The following AGPS variants were observed in gnomAD, a reference collection of about 807,000 sequenced individuals.
The protein encoded by AGPS is alkyldihydroxyacetonephosphate synthase, peroxisomal.
A neutral mutation model predicts 90.7 loss-of-function variants in AGPS; 26 were observed. The observed-to-expected ratio is 0.29, with a 90% confidence interval of 0.21 to 0.40. The LOEUF is 0.40. Among genes scored for constraint, AGPS ranks in the 10% least tolerant of loss-of-function variants. AGPS has a pLI of 1.00. For synonymous variants in AGPS, 294 were observed against 285.3 expected, an observed-to-expected ratio of 1.03 and a Z score of -0.31; for missense variants, 540 against 816.1, an observed-to-expected ratio of 0.66 and a Z score of 4.12.
chr2:177,400,443 CTT>C (rs1321269990), intron 1 of AGPS, among the ~76,000 whole-genome samples: 3 of 151,908 alleles, frequency 2.0e-5, no homozygotes, highest in Admixed American at 6.6e-5. Flanking sequence ...TAACATCTGT[CTT>C]TGGTTCTCTT....
chr2:177,454,975 T>C (rs940064559), intron 8 of AGPS, among the ~76,000 whole-genome samples: 1 of 151,900 alleles, frequency 6.6e-6, no homozygotes, highest in Non-Finnish European at 1.5e-5. Flanking sequence ...GTGGCAGATA[T>C]CATGAAAATT....
intron 14 of AGPS, 52 bp from the exon 15 acceptor site, chr2:177,505,454 A>G: frequency 6.8e-7 from 1 of 1,468,396 alleles, no homozygotes; most frequent in Non-Finnish European, 9.5e-7. Flanking sequence ...TACATTTATG[A>G]TAAATGAGAT....
chr2:177,522,339 C>CT (rs1574030851), intron 18 of AGPS, among the ~76,000 whole-genome samples: 1 of 152,172 alleles, frequency 6.6e-6, no homozygotes, highest in African/African-American at 2.4e-5. Context: ...CTGCTGGTCT[C>CT]TAAGTGCTAC....
chr2:177,492,188 A>C (rs1559070607), intron 11 of AGPS, among the ~76,000 whole-genome samples: 1 of 152,208 alleles, frequency 6.6e-6, no homozygotes, highest in Non-Finnish European at 1.5e-5. Flanking sequence ...CAGGAGATGG[A>C]ATTTACAAGT....
In AGPS at chr2:177,538,092, A is replaced by C. The variant is rs769818292; in HGVS notation, c.1874A>C (p.Gln625Pro). 2 of 1,613,252 alleles carry C rather than the reference A, an allele frequency of 1.2e-6. No individual in the cohort carries two copies. The highest frequency in any genetic ancestry group is 1.7e-4 in the Middle Eastern group (1 of 6,056). Residue 625 changes from glutamine (Q) to proline (P), a missense_variant, in exon 20 of 20, where the codon CAA becomes CCA. Physicochemically the swap from Gln to Pro is moderately conservative, Grantham distance 76. Transcript: ENST00000264167. ...HHHGVGKLRK[Q>P]WLKESISDVG... ...TTTCCAGTGGGCAAGTTACGGAAGC[A>C]ATGGCTAAAGGAAAGTATCTCTGAT... is the stretch of plus-strand genomic sequence containing the variant.
intron 7 of AGPS, among the ~76,000 whole-genome samples, chr2:177,445,089 A>T (rs1161440914): frequency 6.6e-6 from 1 of 152,182 alleles, no homozygotes; most frequent in Admixed American, 6.5e-5. Context: ...TGATATTCTT[A>T]AATTAGATAG....
chr2:177,524,883 T>C (rs77510470), intron 19 of AGPS, among the ~76,000 whole-genome samples: 3,320 of 152,286 alleles, frequency 0.022, 80 homozygotes, highest in South Asian at 0.055. Context: ...TGTGTGTCCA[T>C]ATCATATTCT....
At chr2:177,461,764 T>C in intron 8 of AGPS, 129 bp from the exon 9 acceptor site, 1 of 639,710 alleles carries the variant, frequency 1.6e-6, no homozygotes, top group South Asian at 2.8e-5. Context: ...TTTTTTTTTT[T>C]GCTATGTAGG....
intron 11 of AGPS, among the ~76,000 whole-genome samples, chr2:177,488,699 A>C (rs1180685078): frequency 6.6e-6 from 1 of 152,180 alleles, no homozygotes; most frequent in Non-Finnish European, 1.5e-5. Context: ...CTGATACAAC[A>C]TGAGATTGAT....
intron 19 of AGPS, among the ~76,000 whole-genome samples, chr2:177,536,065 G>A (rs936568892): frequency 2.6e-5 from 4 of 152,126 alleles, no homozygotes; most frequent in Admixed American, 1.3e-4. Context: ...CGCTTGGTGA[G>A]TGACTTCATT....
At chr2:177,413,117 CGGAGCTCCCATACAAT>C (rs1450423397) in intron 1 of AGPS, among the ~76,000 whole-genome samples, 1 of 152,110 alleles carries the variant, frequency 6.6e-6, no homozygotes, top group Non-Finnish European at 1.5e-5. Flanking sequence ...AGAGTGAAAA[CGGAGCTCCCATACAAT>C]GGGAGGGAAC....
chr2:177,440,012 G>C (rs545159603), intron 5 of AGPS, among the ~76,000 whole-genome samples: 13 of 152,224 alleles, frequency 8.5e-5, no homozygotes, highest in African/African-American at 2.6e-4. Context: ...ATTATGTGCA[G>C]TGTATTTTGT....
chr2:177,486,119 T>G (rs1688085770), intron 11 of AGPS, among the ~76,000 whole-genome samples: 1 of 152,216 alleles, frequency 6.6e-6, no homozygotes, highest in African/African-American at 2.4e-5. Context: ...AGAAAGTTTG[T>G]CTTACTTGAA....
intron 19 of AGPS, among the ~76,000 whole-genome samples, chr2:177,533,915 A>G (rs1488574723): frequency 1.3e-4 from 20 of 152,216 alleles, no homozygotes; most frequent in African/African-American, 4.6e-4. Flanking sequence ...CTTTCAAAAT[A>G]TAGTTGTTAT....
intron 17 of AGPS, among the ~76,000 whole-genome samples, chr2:177,518,195 A>G (rs536676026): frequency 6.6e-6 from 1 of 152,252 alleles, no homozygotes; most frequent in Admixed American, 6.5e-5. Flanking sequence ...GCACTTTGGG[A>G]GGCTGAGGTG....
intron 7 of AGPS, among the ~76,000 whole-genome samples, chr2:177,444,289 C>T (rs911493436): frequency 8.6e-5 from 13 of 151,674 alleles, no homozygotes; most frequent in African/African-American, 2.7e-4. Context: ...TGTGTGGTGG[C>T]GTGTGCCTGT....
chr2:177,509,483 G>A (rs183216974), intron 16 of AGPS, among the ~76,000 whole-genome samples: 80 of 152,074 alleles, frequency 5.3e-4, no homozygotes, highest in African/African-American at 1.8e-3. Context: ...TGGCTAACAC[G>A]GTGAAACCTC....
rs2074896623 is a variant in AGPS at position 177,527,263 on chromosome 2, A to G, written c.1855+3458A>G. Among the ~76,000 whole-genome samples the G allele has an allele frequency of 2.0e-5, 3 of 152,184 alleles. No homozygotes were observed. The South Asian group carries it at 6.2e-4, about 32-fold the overall frequency. On this transcript the variant is annotated intron_variant, in intron 19 of 19. Transcript: ENST00000264167. The stretch of plus-strand genomic sequence containing the variant: ...GGCAACATGGCAAAACCCCATCTCT[A>G]CAAAAAATACAAAACTTAGCTGGGC...
At chr2:177,462,084 G>T in intron 9 of AGPS, 66 bp downstream of exon 9, 1 of 1,382,168 alleles carries the variant, frequency 7.2e-7, no homozygotes, top group Non-Finnish European at 9.7e-7. Context: ...AAAATGATTA[G>T]AAGCCTTTAA....
Sources: allele counts gnomAD v4.1 joint callset (sites outside exome capture counted in the v4.1 genomes callset), GRCh38; gene constraint gnomAD v4.1.1; transcripts MANE v1.5; gene names NCBI Gene and HGNC (gene_info 2026-07-23, HGNC 2026-07-21).